The following MPC1 variants were observed in gnomAD, a reference collection of about 807,000 sequenced individuals.
MPC1 encodes mitochondrial pyruvate carrier 1.
MPC1 carries 6 observed loss-of-function variants against 13.9 expected under a neutral mutation model. That is an observed-to-expected ratio of 0.43 (90% CI 0.24 to 0.85). The LOEUF is 0.85. Ranked by LOEUF, MPC1 falls within the 40% of genes least tolerant of loss-of-function variation. MPC1 has a pLI of 0.24. For missense variants in MPC1, 115 were observed against 143.3 expected (o/e 0.80, Z 1.01); for synonymous variants, 47 against 50.5 (o/e 0.93, Z 0.29).
chr6:166,365,590 T>C lies in MPC1; in HGVS notation c.306-137A>G, dbSNP rs991219600. ...CAACTTATAAAAACAATAATATAGG[T>C]TGGGTATCCCTCATCTGAAATGCTT... On this transcript the variant is annotated intron_variant, in intron 4 of 4. Coordinates refer to ENST00000360961, the MANE Select transcript of MPC1 (RefSeq NM_016098.4). This position sits in a 1 kb window ranked among gnomAD's most constrained non-coding sequence, Gnocchi z 4.2. 29 of 692,096 alleles carry C rather than the reference T, an allele frequency of 4.2e-5. No individual in the cohort carries two copies. The highest frequency in any genetic ancestry group is 4.0e-4 in the African/African-American group (22 of 54,600). The allele number at this position is 692,096 out of a possible 1,614,324, so 42.9% of individuals were successfully genotyped here. A position where few individuals can be genotyped will look rare whatever the true frequency, so the allele number is the denominator to read the frequency against.
At chr6:166,375,450 CTT>C (rs34879281) in intron 1 of MPC1, among the ~76,000 whole-genome samples, 1,512 of 127,212 alleles carry the variant, frequency 0.012, 16 homozygotes, top group African/African-American at 0.032. Context: ...TTCTAATTTG[CTT>C]TTTTTTTTTT....
At chr6:166,380,950 A>G (rs1583074969) in intron 1 of MPC1, among the ~76,000 whole-genome samples, 1 of 151,404 alleles carries the variant, frequency 6.6e-6, no homozygotes, top group East Asian at 1.9e-4. Flanking sequence ...AAAAAAAAAA[A>G]AAAAAAAAAA....
intron 3 of MPC1, among the ~76,000 whole-genome samples, chr6:166,366,379 T>C (rs1779157029): frequency 6.6e-6 from 1 of 152,248 alleles, no homozygotes; most frequent in African/African-American, 2.4e-5. Context: ...AGACACTTTT[T>C]TTGTCTCCTG....
intron 1 of MPC1, among the ~76,000 whole-genome samples, 200 bp downstream of exon 1, chr6:166,382,606 G>A (rs1779842013): frequency 6.6e-6 from 1 of 152,114 alleles, no homozygotes; most frequent in African/African-American, 2.4e-5. Flanking sequence ...GGCTCTCTAC[G>A]CCGTCCGCTT....
chr6:166,378,332 G>A (rs569713850), intron 1 of MPC1, among the ~76,000 whole-genome samples: 125 of 152,206 alleles, frequency 8.2e-4, no homozygotes, highest in African/African-American at 2.9e-3. Flanking sequence ...AGATTCATAA[G>A]CATACTAAGT....
At chr6:166,379,081 A>G (rs535317038) in intron 1 of MPC1, among the ~76,000 whole-genome samples, 1 of 152,324 alleles carries the variant, frequency 6.6e-6, no homozygotes, top group Admixed American at 6.5e-5. Context: ...TGCCTTTTCC[A>G]GCTGTTTTTT....
intron 2 of MPC1, among the ~76,000 whole-genome samples, chr6:166,367,559 T>G (rs1266883143): frequency 6.6e-6 from 1 of 152,220 alleles, no homozygotes; most frequent in African/African-American, 2.4e-5. Context: ...AGTTTTTCAT[T>G]CCACAACTAC....
chr6:166,381,988 C>A (rs1217041110), intron 1 of MPC1, among the ~76,000 whole-genome samples: 1 of 152,270 alleles, frequency 6.6e-6, no homozygotes, highest in East Asian at 1.9e-4. Flanking sequence ...CTCAGCAGCG[C>A]CTCCCGCTGG....
chr6:166,365,896 TCAGAA>T lies in MPC1; in HGVS notation c.305+73_305+77del. The T allele has an allele frequency of 1.9e-6, 3 of 1,563,800 alleles. No individual in the cohort carries two copies. The South Asian group carries it at 3.6e-5, about 19-fold the overall frequency. The stretch of plus-strand genomic sequence containing the variant: ...CACACTCCAGTCCCGCAGCACTCCC[TCAGAA>T]AAGATTTTAGTTTCACTCTCCCCAA... On this transcript the variant is annotated intron_variant, in intron 4 of 4. Coordinates refer to ENST00000360961, the MANE Select transcript of MPC1 (RefSeq NM_016098.4). The surrounding 1 kb of genome is among the most constrained non-coding windows in gnomAD (Gnocchi z 4.2).
At chr6:166,378,154 C>G (rs1355932924) in intron 1 of MPC1, among the ~76,000 whole-genome samples, 1 of 152,202 alleles carries the variant, frequency 6.6e-6, no homozygotes, top group Admixed American at 6.5e-5. Flanking sequence ...CCTGTTCCAA[C>G]TCTAATATTC....
intron 1 of MPC1, among the ~76,000 whole-genome samples, chr6:166,377,258 C>T (rs6904978): frequency 0.011 from 1,715 of 151,750 alleles, 38 homozygotes; most frequent in African/African-American, 0.039. Context: ...GCTGCCCACT[C>T]GGGAGACAAT....
In MPC1 at chr6:166,372,453, A is replaced by G. The variant is rs552193990; in HGVS notation, c.72-2232T>C. ...TGTATGAGAATAAGGATTAGTATAG[A>G]TTACACATGTATGAGAATAAGGGAG... On this transcript the variant is annotated intron_variant, in intron 1 of 4. Transcript: ENST00000360961. Among the ~76,000 whole-genome samples, 121 of 151,520 alleles carry G rather than the reference A, an allele frequency of 8.0e-4. 1 individual carries two copies. Among genetic ancestry groups the G allele is most frequent in the African/African-American group, 2.8e-3 (115 of 40,882 alleles).
Position 166,366,779 on chromosome 6 carries a change from A to C in MPC1, c.172+16T>G. 1.9e-6 allele frequency: 3 copies of C among 1,612,252 alleles called. No individual in the cohort carries two copies. The highest frequency in any genetic ancestry group is 2.5e-6 in the Non-Finnish European group (3 of 1,178,338). ...ATGTTGAAAGTCCTCCCAATTATCC[A>C]AATCTGCATTCTTACCAAATGTCAT... On this transcript the variant is annotated intron_variant, in intron 3 of 4. Coordinates refer to ENST00000360961, the MANE Select transcript of MPC1 (RefSeq NM_016098.4).
In MPC1 at chr6:166,365,926, AT is replaced by A. The variant is rs1779132420; in HGVS notation, c.305+47del. The stretch of plus-strand genomic sequence containing the variant: ...AAAGATTTTAGTTTCACTCTCCCCA[AT>A]TCCTCAAATTCCTGAAAAGAAAGTA... On this transcript the variant is annotated intron_variant, in intron 4 of 4. Coordinates refer to ENST00000360961, the MANE Select transcript of MPC1 (RefSeq NM_016098.4). This position sits in a 1 kb window ranked among gnomAD's most constrained non-coding sequence, Gnocchi z 4.2. 1 of 1,600,280 alleles carries A rather than the reference AT, an allele frequency of 6.2e-7. No individual in the cohort carries two copies. Among genetic ancestry groups the A allele is most frequent in the East Asian group, 2.2e-5 (1 of 44,670 alleles).
At chr6:166,382,225 C>T (rs1272231452) in intron 1 of MPC1, among the ~76,000 whole-genome samples, 1 of 152,194 alleles carries the variant, frequency 6.6e-6, no homozygotes, top group Non-Finnish European at 1.5e-5. Context: ...GGGGCGCCCA[C>T]TGTCACCCCT....
chr6:166,365,388 C>A lies in MPC1; in HGVS notation c.*41G>T. 1 of 1,495,322 alleles carries A rather than the reference C, an allele frequency of 6.7e-7. No individual in the cohort carries two copies. The allele number at this position is 1,495,322 out of a possible 1,614,324, so 92.6% of individuals were successfully genotyped here. A position where few individuals can be genotyped will look rare whatever the true frequency, so the allele number is the denominator to read the frequency against. On this transcript the variant is annotated 3_prime_UTR_variant, in exon 5 of 5. Coordinates refer to ENST00000360961, the MANE Select transcript of MPC1 (RefSeq NM_016098.4). The surrounding 1 kb of genome is among the most constrained non-coding windows in gnomAD (Gnocchi z 4.2). ...AAATCTGTGACTCAGCAGCAGCTGG[C>A]AATGCTGTCCCTTCAAGACCTTGTT...
chr6:166,376,124 A>G (rs1482100343), intron 1 of MPC1, among the ~76,000 whole-genome samples: 1 of 151,466 alleles, frequency 6.6e-6, no homozygotes, highest in Non-Finnish European at 1.5e-5. Flanking sequence ...AACTAATAGA[A>G]GATGTATAGC....
At chr6:166,372,744 C>CA (rs11410329) in intron 1 of MPC1, among the ~76,000 whole-genome samples, 111,789 of 148,580 alleles carry the variant, frequency 0.75, 42,073 homozygotes, top group East Asian at 0.95. Context: ...TTACCTGTTT[C>CA]AAAAAAAAAA....
intron 1 of MPC1, among the ~76,000 whole-genome samples, chr6:166,376,834 C>A (rs1322374917): frequency 6.6e-6 from 1 of 152,180 alleles, no homozygotes; most frequent in Non-Finnish European, 1.5e-5. Context: ...TACTTTTAAT[C>A]TATATGTGTA....
Sources: gnomAD v4.1 joint callset for allele counts (sites outside exome capture counted in the v4.1 genomes callset) on GRCh38, gnomAD v4.1.1 for gene constraint, Gnocchi (gnomAD v3.1) non-coding constraint, MANE v1.5 for transcripts, NCBI Gene and HGNC (gene_info 2026-07-23, HGNC 2026-07-21) for gene names.